DNAH14: variants seen among roughly 807,000 people sequenced by gnomAD.
DNAH14 encodes axonemal beta dynein heavy chain 14.
A neutral mutation model predicts 520.9 loss-of-function variants in DNAH14; 478 were observed. That is an observed-to-expected ratio of 0.92 (90% CI 0.85 to 0.99). The LOEUF (loss-of-function observed/expected upper bound fraction) is 0.99. Among genes scored for constraint, DNAH14 ranks in the 50% least tolerant of loss-of-function variants. DNAH14 has a pLI of 0.00. For missense variants in DNAH14, 4,831 were observed against 5,234.5 expected (o/e 0.92, Z 2.38); for synonymous variants, 1,581 against 1,757.2 (o/e 0.90, Z 2.51).
At chr1:225,104,552 T>A (rs1417435236) in intron 23 of DNAH14, among the ~76,000 whole-genome samples, 1 of 152,198 alleles carries the variant, frequency 6.6e-6, no homozygotes, top group African/African-American at 2.4e-5. Context: ...AATTATTGCC[T>A]CAATTTCAGA....
At chr1:225,380,433 T>G (rs1295365755) in intron 80 of DNAH14, 111 bp downstream of exon 80, 2 of 1,216,106 alleles carry the variant, frequency 1.6e-6, no homozygotes, top group African/African-American at 3.1e-5. Context: ...GTGAAAATAC[T>G]GAGATAAGAT....
chr1:225,235,925 G>A (rs912435925), intron 42 of DNAH14, among the ~76,000 whole-genome samples: 1 of 151,614 alleles, frequency 6.6e-6, no homozygotes, highest in South Asian at 2.1e-4. Flanking sequence ...TGATTCTTAT[G>A]TTTTCTTTTT....
At chr1:225,350,353 GA>G (rs2095347870) in intron 71 of DNAH14, among the ~76,000 whole-genome samples, 2 of 151,756 alleles carry the variant, frequency 1.3e-5, no homozygotes, top group African/African-American at 4.8e-5. Context: ...TTTACCTCAA[GA>G]AACTAGAAAA....
intron 60 of DNAH14, among the ~76,000 whole-genome samples, chr1:225,311,766 G>T (rs1288320452): frequency 6.6e-6 from 1 of 152,024 alleles, no homozygotes; most frequent in Non-Finnish European, 1.5e-5. Flanking sequence ...GATGTGTAGG[G>T]TTATTTCTGA....
At chr1:224,956,853 C>T (rs1329537999) in intron 3 of DNAH14, among the ~76,000 whole-genome samples, 2 of 152,054 alleles carry the variant, frequency 1.3e-5, no homozygotes, top group African/African-American at 2.4e-5. Context: ...CTGGACAAAG[C>T]TTCCCCTCCA....
chr1:225,213,007 G>C (rs1385688262), intron 41 of DNAH14, among the ~76,000 whole-genome samples: 2 of 152,130 alleles, frequency 1.3e-5, no homozygotes, highest in Non-Finnish European at 2.9e-5. Context: ...GAATGGTATT[G>C]CCTAGATTTT....
chr1:225,232,507 C>A lies in DNAH14; in HGVS notation c.6518+1356C>A, dbSNP rs2091227212. Among the ~76,000 whole-genome samples the A allele has an allele frequency of 6.6e-6, 1 of 152,100 alleles. No homozygotes were observed. The highest frequency in any genetic ancestry group is 6.5e-5 in the Admixed American group (1 of 15,270). On this transcript the variant is annotated intron_variant, in intron 42 of 85. Transcript: ENST00000682510. The surrounding 1 kb of genome is among the most constrained non-coding windows in gnomAD (Gnocchi z 4.2). The stretch of plus-strand genomic sequence containing the variant: ...ACTCTCAAAGTGGAAGAAAAAAAAT[C>A]TTGGTACAGCCTAAAAATGTCCTGC...
intron 17 of DNAH14, among the ~76,000 whole-genome samples, chr1:225,071,770 GA>G (rs1238401500): frequency 2.0e-5 from 3 of 152,160 alleles, no homozygotes; most frequent in Non-Finnish European, 1.5e-5. Flanking sequence ...ATGGTGACAG[GA>G]AGGAGAAGTG....
intron 39 of DNAH14, 39 bp from the exon 40 acceptor site, chr1:225,205,932 C>A: frequency 6.9e-7 from 1 of 1,449,314 alleles, no homozygotes; most frequent in Non-Finnish European, 9.4e-7. Flanking sequence ...AGATGACGGA[C>A]ATTAGTCTCA....
chr1:225,250,249 T>C (rs2092481884), intron 43 of DNAH14, among the ~76,000 whole-genome samples: 1 of 152,220 alleles, frequency 6.6e-6, no homozygotes, highest in Admixed American at 6.5e-5. Context: ...GGAGGCAATT[T>C]GTCATTGTCT....
At chr1:225,259,003 A>G in intron 45 of DNAH14, 118 bp from the exon 46 acceptor site, 1 of 1,144,602 alleles carries the variant, frequency 8.7e-7, no homozygotes, top group Non-Finnish European at 1.2e-6. Context: ...AGGGAAGAAC[A>G]AAAAAACACT....
At chr1:225,283,893 T>G (rs2093681122) in intron 54 of DNAH14, among the ~76,000 whole-genome samples, 1 of 152,142 alleles carries the variant, frequency 6.6e-6, no homozygotes, top group Admixed American at 6.5e-5. Flanking sequence ...GTTGGGATAT[T>G]AATAACTATG....
intron 52 of DNAH14, 118 bp from the exon 53 acceptor site, chr1:225,275,796 C>G (rs2093452355): frequency 5.6e-6 from 1 of 178,276 alleles, no homozygotes; most frequent in Admixed American, 6.2e-5. Flanking sequence ...GTTAAGAACA[C>G]ATTAGTCCTA....
At chr1:225,107,738 T>A (rs2076185847) in intron 23 of DNAH14, among the ~76,000 whole-genome samples, 1 of 152,184 alleles carries the variant, frequency 6.6e-6, no homozygotes, top group South Asian at 2.1e-4. Context: ...ATAGTGGTTG[T>A]ACTAATTTAC....
At chr1:225,332,930 A>G (rs1297651560) in intron 65 of DNAH14, among the ~76,000 whole-genome samples, 1 of 152,048 alleles carries the variant, frequency 6.6e-6, no homozygotes, top group Non-Finnish European at 1.5e-5. Context: ...CATGAGCCCA[A>G]GAGATCAAGG....
chr1:224,933,369 CAG>C lies in DNAH14; in HGVS notation c.-34+3539_-34+3540del, dbSNP rs373073032. ...TCTAGATATAAAATCATATGATCAACAGAGAGGGACCATTTGATTTTCTTTTT... is the reference window on the plus strand; with the variant it reads ...TCTAGATATAAAATCATATGATCAACAGAGGGACCATTTGATTTTCTTTTT... On this transcript the variant is annotated intron_variant, in intron 1 of 85. Transcript: ENST00000682510. Among the ~76,000 whole-genome samples, 56 of 152,104 alleles carry C rather than the reference CAG, an allele frequency of 3.7e-4. No homozygotes were observed. In the East Asian group the frequency reaches 6.5e-3, roughly 18 times the overall value.
chr1:225,108,809 T>C (rs2076279747), intron 23 of DNAH14, among the ~76,000 whole-genome samples: 1 of 152,204 alleles, frequency 6.6e-6, no homozygotes, highest in Non-Finnish European at 1.5e-5. Flanking sequence ...AAATAGAGAA[T>C]TTCCACAGCG....
chr1:225,361,907 CATTT>C (rs1303481414), intron 75 of DNAH14, among the ~76,000 whole-genome samples: 4 of 152,154 alleles, frequency 2.6e-5, no homozygotes, highest in African/African-American at 9.7e-5. Context: ...CTCTTTTTCA[CATTT>C]ATTTCATGAC....
At chr1:225,053,599 A>G (rs2068755906) in intron 17 of DNAH14, among the ~76,000 whole-genome samples, 1 of 152,162 alleles carries the variant, frequency 6.6e-6, no homozygotes, top group Non-Finnish European at 1.5e-5. Context: ...GATTCAGTGT[A>G]GTAACAATGA....
Sources: gnomAD v4.1 joint callset for allele counts (sites outside exome capture counted in the v4.1 genomes callset) on GRCh38, gnomAD v4.1.1 for gene constraint, Gnocchi (gnomAD v3.1) non-coding constraint, MANE v1.5 for transcripts, NCBI Gene and HGNC (gene_info 2026-07-23, HGNC 2026-07-21) for gene names.